CLVS1: variants seen among roughly 807,000 people sequenced by gnomAD.
CLVS1 encodes the protein clavesin-1.
In CLVS1, 10 loss-of-function variants were observed where a neutral mutation model predicts 33.1. The observed-to-expected ratio is 0.30, with a 90% CI of 0.19 to 0.51. The LOEUF (loss-of-function observed/expected upper bound fraction) is 0.51, where lower values mean the gene tolerates loss of function less well. Ranked by LOEUF, CLVS1 falls within the 20% of genes least tolerant of loss-of-function variation. The pLI, the probability that CLVS1 is intolerant of heterozygous loss-of-function variation, is 0.97. For synonymous variants in CLVS1, 163 were observed against 166.1 expected (o/e 0.98, Z 0.14); for missense variants, 343 against 433.4 (o/e 0.79, Z 1.85).
At chr8:61,404,049 TGAGTGTGAGCA>T (rs1814880839) in intron 3 of CLVS1, among the ~76,000 whole-genome samples, 1 of 152,120 alleles carries the variant, frequency 6.6e-6, no homozygotes, top group South Asian at 2.1e-4. Flanking sequence ...AGTGAGTTTG[TGAGTGTGAGCA>T]GAACCCTGCC....
chr8:61,278,098 A>G (rs1056420402), intron 2 of CLVS1, among the ~76,000 whole-genome samples: 2 of 152,118 alleles, frequency 1.3e-5, no homozygotes, highest in Admixed American at 1.3e-4. Context: ...GTCACTGTAA[A>G]TCTATGCCCT....
the CLVS1 span, among the ~76,000 whole-genome samples, chr8:61,015,852 C>T: frequency 6.6e-6 from 1 of 152,180 alleles, no homozygotes; most frequent in South Asian, 2.1e-4. Flanking sequence ...CATCCCAAAG[C>T]TTCCAGCCCA....
chr8:61,164,255 C>T (rs1806811214), intron 2 of CLVS1, among the ~76,000 whole-genome samples: 1 of 152,160 alleles, frequency 6.6e-6, no homozygotes, highest in Admixed American at 6.5e-5. Context: ...TCCAGCTAGT[C>T]CTGTCTCTCA....
intron 1 of CLVS1, among the ~76,000 whole-genome samples, chr8:61,106,557 T>C (rs1028361168): frequency 3.9e-5 from 6 of 152,230 alleles, no homozygotes; most frequent in Admixed American, 1.3e-4. Flanking sequence ...AGTCCGGGCC[T>C]GCCCAGTACG....
intron 2 of CLVS1, among the ~76,000 whole-genome samples, chr8:61,157,967 G>A (rs564634256): frequency 2.0e-5 from 3 of 152,224 alleles, no homozygotes; most frequent in African/African-American, 7.2e-5. Flanking sequence ...CATACATCCA[G>A]CCTATGACCT....
At position 61,149,164 on chromosome 8, in the gene CLVS1, T is replaced by C. The variant is rs1389463776; in HGVS notation, c.-152+17304T>C. Among the ~76,000 whole-genome samples, 3 of 152,014 alleles carry C rather than the reference T, an allele frequency of 2.0e-5. No individual in the cohort carries two copies. The East Asian group carries it at 5.8e-4, about 29-fold the overall frequency. ...TTCTTGTTCAATGCTGTATCCCAGG[T>C]GCCCAAGCCAATACATTGCACACAG... On this transcript the variant is annotated intron_variant, in intron 2 of 2. Transcript: ENST00000522621.
the CLVS1 span, among the ~76,000 whole-genome samples, chr8:61,003,617 G>A: frequency 6.6e-6 from 1 of 152,216 alleles, no homozygotes; most frequent in African/African-American, 2.4e-5. Context: ...ATCCTGAACT[G>A]GTCCGTCTTG....
intron 2 of CLVS1, among the ~76,000 whole-genome samples, chr8:61,250,268 T>C (rs530758953): frequency 6.6e-6 from 1 of 152,300 alleles, no homozygotes; most frequent in East Asian, 1.9e-4. Context: ...TTCTGTTCCA[T>C]TGGTCTATAT....
intron 2 of CLVS1, among the ~76,000 whole-genome samples, chr8:61,215,813 C>T (rs972926156): frequency 2.0e-5 from 3 of 151,552 alleles, no homozygotes; most frequent in Non-Finnish European, 4.4e-5. Flanking sequence ...AATAGGAGAG[C>T]TTTGTTGTTT....
At chr8:61,377,605 A>G (rs1185009115) in intron 3 of CLVS1, 1 of 152,182 alleles carries the variant, frequency 6.6e-6, no homozygotes, top group Non-Finnish European at 1.5e-5. Flanking sequence ...TTCTCAGATC[A>G]AGTAGTCATT....
the CLVS1 span, among the ~76,000 whole-genome samples, chr8:61,029,453 G>A: frequency 2.0e-5 from 3 of 152,256 alleles, no homozygotes; most frequent in South Asian, 2.1e-4. Context: ...CCTTCTCATC[G>A]AGGGTTTGAG....
intron 2 of CLVS1, among the ~76,000 whole-genome samples, chr8:61,344,805 C>A (rs1812146733): frequency 6.6e-6 from 1 of 151,622 alleles, no homozygotes; most frequent in Admixed American, 6.6e-5. Flanking sequence ...TTAACTGTAG[C>A]CATGGGACTT....
rs752095864 is a variant in CLVS1 at position 61,300,024 on chromosome 8, T to C, written c.197T>C (p.Ile66Thr). The change falls in exon 2 of 6, where the codon ATT becomes ACT. Residue 66 changes from isoleucine to threonine, a missense_variant. Physicochemically the swap from Ile to Thr is moderately conservative, Grantham distance 89. Around this residue, in one of 4 missense-constraint regions of CLVS1, gnomAD observed 166 missense variants for 244.0 expected, o/e 0.68. Coordinates refer to ENST00000325897, the MANE Select transcript of CLVS1 (RefSeq NM_173519.3). ...VRDMIITRPD[I>T]GFLRTDDAFI... ...GACATGATCATCACCAGGCCTGACA[T>C]TGGATTTTTACGTACAGATGATGCC... 46 of 1,613,914 alleles carry C rather than the reference T, an allele frequency of 2.9e-5. No homozygotes were observed. Among genetic ancestry groups the C allele is most frequent in the South Asian group, 1.1e-4 (10 of 91,082 alleles).
At position 61,135,114 on chromosome 8, in the gene CLVS1, G is replaced by A. The variant is rs535951611; in HGVS notation, c.-152+3254G>A. Among the ~76,000 whole-genome samples the A allele has an allele frequency of 5.3e-5, 8 of 151,904 alleles. No homozygotes were observed. In the East Asian group the frequency reaches 1.2e-3, roughly 22 times the overall value. The stretch of plus-strand genomic sequence containing the variant: ...TGGAAACAGGAACAGTTCAAGGAAA[G>A]TATCTGATCTAGAAAGCCAAAAAGA... On this transcript the variant is annotated intron_variant, in intron 2 of 2. Transcript: ENST00000522621.
chr8:61,363,969 C>T (rs993546301), intron 2 of CLVS1, among the ~76,000 whole-genome samples: 4 of 152,174 alleles, frequency 2.6e-5, no homozygotes, highest in African/African-American at 9.6e-5. Flanking sequence ...CCTGACACAT[C>T]TGGTCCTGCC....
chr8:61,033,252 A>G, the CLVS1 span, among the ~76,000 whole-genome samples: 1 of 152,312 alleles, frequency 6.6e-6, no homozygotes, highest in East Asian at 1.9e-4. Flanking sequence ...CAAAAAACCA[A>G]TAGCCACTGC....
intron 2 of CLVS1, among the ~76,000 whole-genome samples, chr8:61,215,860 C>T (rs1808073934): frequency 6.6e-6 from 1 of 152,110 alleles, no homozygotes; most frequent in Non-Finnish European, 1.5e-5. Context: ...GGAAGCTGAC[C>T]TTGGGTAAAT....
chr8:61,331,531 T>TA (rs34893220), intron 2 of CLVS1, among the ~76,000 whole-genome samples: 61,337 of 145,956 alleles, frequency 0.42, 14,509 homozygotes, highest in East Asian at 0.81. Flanking sequence ...CCTTCCCAAT[T>TA]AAAAAAAAAA....
At chr8:61,308,430 G>A (rs1385784505) in intron 2 of CLVS1, among the ~76,000 whole-genome samples, 1 of 152,006 alleles carries the variant, frequency 6.6e-6, no homozygotes, top group Non-Finnish European at 1.5e-5. Context: ...ACTGCAAGTG[G>A]GTTTCTTGGC....
Sources: allele counts gnomAD v4.1 joint callset (sites outside exome capture counted in the v4.1 genomes callset), GRCh38; gene constraint gnomAD v4.1.1; regional missense constraint gnomAD v4.1.1; transcripts MANE v1.5; gene names NCBI Gene and HGNC (gene_info 2026-07-23, HGNC 2026-07-21).